Variants in KIAA1328 observed in about 807,000 individuals in gnomAD.
KIAA1328 encodes the protein KIAA1328, also known as protein hinderin.
In KIAA1328, 52 loss-of-function variants were observed where a neutral mutation model predicts 68.1. The ratio of observed to expected loss-of-function variants is 0.76; its 90% CI spans 0.61 to 0.96. KIAA1328 has a LOEUF of 0.96. Among genes scored for constraint, KIAA1328 ranks in the 40% least tolerant of loss-of-function variants. The pLI is 0.00. For synonymous variants in KIAA1328, 232 were observed against 239.4 expected, an observed-to-expected ratio of 0.97 and a Z score of 0.28; for missense variants, 641 against 677.6, an observed-to-expected ratio of 0.95 and a Z score of 0.60.
At chr18:36,845,425 C>G (rs1406778518) in intron 4 of KIAA1328, among the ~76,000 whole-genome samples, 3 of 151,612 alleles carry the variant, frequency 2.0e-5, no homozygotes, top group Non-Finnish European at 4.4e-5. Context: ...TATTGAAAAG[C>G]TATTGCTATT....
intron 6 of KIAA1328, among the ~76,000 whole-genome samples, chr18:37,001,251 C>A (rs2053576013): frequency 6.6e-6 from 1 of 151,936 alleles, no homozygotes; most frequent in Non-Finnish European, 1.5e-5. Context: ...TAACTATATG[C>A]TGAAAAACTG....
intron 5 of KIAA1328, chr18:36,901,954 A>G (rs1440317530): frequency 6.6e-6 from 1 of 152,030 alleles, no homozygotes; most frequent in East Asian, 1.9e-4. Flanking sequence ...GTGGAGTTTC[A>G]TAGCTGTTTA....
intron 6 of KIAA1328, among the ~76,000 whole-genome samples, chr18:37,024,202 C>T (rs932989631): frequency 8.6e-5 from 13 of 151,986 alleles, no homozygotes; most frequent in African/African-American, 2.4e-4. Context: ...CTATGTTGAT[C>T]GGGCTGGTCC....
chr18:37,063,590 C>T (rs1319190211), intron 6 of KIAA1328: 1 of 972,764 alleles, frequency 1.0e-6, no homozygotes, highest in African/African-American at 1.8e-5. Flanking sequence ...TCACGGGGAG[C>T]ATCTTAGAAT....
chr18:36,981,203 T>A (rs1254440817), intron 6 of KIAA1328, among the ~76,000 whole-genome samples: 1 of 152,154 alleles, frequency 6.6e-6, no homozygotes, highest in African/African-American at 2.4e-5. Flanking sequence ...GTCCTAGTCA[T>A]GGAAAATAAA....
chr18:36,897,828 T>C (rs1030452833), intron 5 of KIAA1328, among the ~76,000 whole-genome samples: 1 of 152,070 alleles, frequency 6.6e-6, no homozygotes, highest in African/African-American at 2.4e-5. Flanking sequence ...TATAACGTTA[T>C]ATAGTAGCTT....
intron 4 of KIAA1328, among the ~76,000 whole-genome samples, chr18:36,872,856 A>T (rs960900195): frequency 2.0e-5 from 3 of 152,232 alleles, no homozygotes; most frequent in African/African-American, 7.2e-5. Flanking sequence ...CTAATACATT[A>T]TCACAAAATT....
intron 5 of KIAA1328, chr18:36,954,534 T>G (rs902750719): frequency 6.6e-6 from 1 of 152,204 alleles, no homozygotes; most frequent in Non-Finnish European, 1.5e-5. Context: ...TAGGAATATC[T>G]AACTCATTAA....
At chr18:36,867,646 A>C (rs2047800136) in intron 4 of KIAA1328, among the ~76,000 whole-genome samples, 1 of 152,208 alleles carries the variant, frequency 6.6e-6, no homozygotes, top group Non-Finnish European at 1.5e-5. Flanking sequence ...GTTTAATTGA[A>C]GTCTTCTCTG....
chr18:37,049,159 C>G (rs368083654), intron 6 of KIAA1328, among the ~76,000 whole-genome samples: 7 of 152,138 alleles, frequency 4.6e-5, no homozygotes. Context: ...TAAATAAATA[C>G]TTAAACATCA....
intron 6 of KIAA1328, among the ~76,000 whole-genome samples, chr18:37,031,213 G>T (rs1330367316): frequency 6.6e-6 from 1 of 152,048 alleles, no homozygotes; most frequent in Admixed American, 6.6e-5. Flanking sequence ...GTGTTGTTCA[G>T]GTCTTCTGTA....
At chr18:36,966,692 A>G (rs1031529448) in intron 6 of KIAA1328, among the ~76,000 whole-genome samples, 3 of 152,228 alleles carry the variant, frequency 2.0e-5, no homozygotes, top group Non-Finnish European at 4.4e-5. Context: ...TTGATTACCA[A>G]TGAACAATTA....
At chr18:36,862,901 C>G (rs1000796176) in intron 4 of KIAA1328, among the ~76,000 whole-genome samples, 3 of 152,126 alleles carry the variant, frequency 2.0e-5, no homozygotes, top group Non-Finnish European at 4.4e-5. Context: ...TTGCATTTCT[C>G]TAATGGGCAG....
chr18:36,958,835 G>T (rs916262519), intron 5 of KIAA1328, among the ~76,000 whole-genome samples: 1 of 151,548 alleles, frequency 6.6e-6, no homozygotes, highest in Non-Finnish European at 1.5e-5. Context: ...TTTACATTTC[G>T]AAGTCTAATT....
chr18:37,140,292 T>C (rs1308776288), intron 7 of KIAA1328, among the ~76,000 whole-genome samples: 2 of 152,146 alleles, frequency 1.3e-5, no homozygotes, highest in Non-Finnish European at 2.9e-5. Flanking sequence ...TTCTTCTTTG[T>C]AAAAGTATTT....
chr18:37,064,953 T>C (rs1599133714), intron 6 of KIAA1328, among the ~76,000 whole-genome samples: 1 of 152,334 alleles, frequency 6.6e-6, no homozygotes, highest in East Asian at 1.9e-4. Flanking sequence ...GATAATACAT[T>C]TGTGTTATTT....
At chr18:37,183,927 ATTGT>A (rs949169736) in intron 9 of KIAA1328, among the ~76,000 whole-genome samples, 7 of 151,996 alleles carry the variant, frequency 4.6e-5, no homozygotes, top group South Asian at 4.1e-4. Flanking sequence ...TGTTTTATTT[ATTGT>A]TTGTCTCTCC....
At chr18:36,973,648 A>C (rs1281277538) in intron 6 of KIAA1328, among the ~76,000 whole-genome samples, 1 of 152,142 alleles carries the variant, frequency 6.6e-6, no homozygotes, top group African/African-American at 2.4e-5. Context: ...TAAATTGAAT[A>C]ATAATAAATA....
chr18:37,044,464 A>G (rs2055383769), intron 6 of KIAA1328, among the ~76,000 whole-genome samples: 1 of 152,154 alleles, frequency 6.6e-6, no homozygotes, highest in African/African-American at 2.4e-5. Context: ...CATAGTAAAA[A>G]ACACAAGGCT....
Sources: gnomAD v4.1 joint callset for allele counts (sites outside exome capture counted in the v4.1 genomes callset) on GRCh38, gnomAD v4.1.1 for gene constraint, MANE v1.5 for transcripts, NCBI Gene and HGNC (gene_info 2026-07-23, HGNC 2026-07-21) for gene names.